CNTN3: variants seen among roughly 807,000 people sequenced by gnomAD.
The protein encoded by CNTN3 is contactin-3.
CNTN3 carries 60 observed loss-of-function variants against 119.1 expected under a neutral mutation model. That is an observed-to-expected ratio of 0.50 (90% CI 0.41 to 0.62). CNTN3 has a LOEUF of 0.62. Ranked by LOEUF, CNTN3 falls within the 20% of genes least tolerant of loss-of-function variation. CNTN3 has a pLI of 0.00. For synonymous variants in CNTN3, 450 were observed against 438.7 expected (o/e 1.03, Z -0.32); for missense variants, 1,101 against 1,242.4 (o/e 0.89, Z 1.71).
intron 4 of CNTN3, among the ~76,000 whole-genome samples, chr3:74,449,675 G>A (rs976895504): frequency 3.3e-5 from 5 of 152,082 alleles, no homozygotes; most frequent in African/African-American, 1.2e-4. Context: ...ACCTTCTGAT[G>A]CACCTCAGCT....
chr3:74,502,650 G>T (rs1013856326), intron 2 of CNTN3, among the ~76,000 whole-genome samples: 3 of 152,046 alleles, frequency 2.0e-5, no homozygotes. Context: ...TCTCAGACAC[G>T]CTGAGCTTCG....
intron 2 of CNTN3, among the ~76,000 whole-genome samples, chr3:74,513,641 T>C (rs1703405216): frequency 1.4e-5 from 2 of 146,146 alleles, no homozygotes; most frequent in Middle Eastern, 3.4e-3. Flanking sequence ...GTCCGAGCAG[T>C]CCAAAAAAAA....
At chr3:74,300,078 T>C (rs1203361842) in intron 16 of CNTN3, 140 bp from the exon 17 acceptor site, 4 of 418,912 alleles carry the variant, frequency 9.5e-6, no homozygotes, top group Non-Finnish European at 1.7e-5. Context: ...TTTATGTACA[T>C]ATACTTATAT....
chr3:74,549,573 G>A (rs1022473745), intron 1 of CNTN3, among the ~76,000 whole-genome samples: 5 of 151,936 alleles, frequency 3.3e-5, no homozygotes, highest in African/African-American at 9.7e-5. Flanking sequence ...AAATGGGTTC[G>A]GTGATCTGGG....
At chr3:74,414,519 C>A (rs918943915) in intron 5 of CNTN3, among the ~76,000 whole-genome samples, 1 of 152,164 alleles carries the variant, frequency 6.6e-6, no homozygotes, top group African/African-American at 2.4e-5. Context: ...TCAAGACTCT[C>A]CTGGGTCACT....
At chr3:74,310,144 TTATATTGCAAG>T (rs1469785908) in intron 13 of CNTN3, among the ~76,000 whole-genome samples, 1 of 152,172 alleles carries the variant, frequency 6.6e-6, no homozygotes, top group Admixed American at 6.6e-5. Context: ...TGTCTTACCT[TTATATTGCAAG>T]TATAGAGAGT....
intron 4 of CNTN3, among the ~76,000 whole-genome samples, chr3:74,436,359 C>T (rs1042091020): frequency 6.6e-6 from 1 of 152,118 alleles, no homozygotes; most frequent in African/African-American, 2.4e-5. Flanking sequence ...CTCCCTTTGT[C>T]GCCTTCCACA....
At position 74,575,606 on chromosome 3, in the gene CNTN3, AACACACACACAC is replaced by A. The variant is rs71129762; in HGVS notation, c.-81+38773_-81+38784del. 1.6e-4 allele frequency among the ~76,000 whole-genome samples: 21 copies of A among 135,098 alleles called. 1 individual carries two copies. The highest frequency in any genetic ancestry group is 2.3e-4 in the African/African-American group (8 of 35,312). 88.6% of individuals were successfully genotyped at this position (135,098 alleles called of 152,430 possible). On this transcript the variant is annotated intron_variant, in intron 1 of 22. Coordinates refer to ENST00000263665, the MANE Select transcript of CNTN3 (RefSeq NM_020872.3). ...ATTCATTTCCTCTTCAGTCTCTCCCAACACACACACACACACACACACACACACACACACACA... is the reference window on the plus strand; with the variant it reads ...ATTCATTTCCTCTTCAGTCTCTCCCAACACACACACACACACACACACACA...
intron 3 of CNTN3, among the ~76,000 whole-genome samples, chr3:74,487,436 T>C (rs1702879021): frequency 6.6e-6 from 1 of 152,186 alleles, no homozygotes; most frequent in South Asian, 2.1e-4. Flanking sequence ...CCAATTTTTA[T>C]AATAAAATTA....
At chr3:74,297,132 T>G (rs1388844222) in intron 18 of CNTN3, among the ~76,000 whole-genome samples, 1 of 152,156 alleles carries the variant, frequency 6.6e-6, no homozygotes, top group Non-Finnish European at 1.5e-5. Context: ...GAGATACCGC[T>G]GCTCCTGACT....
intron 5 of CNTN3, among the ~76,000 whole-genome samples, chr3:74,408,364 C>T (rs1701374274): frequency 1.3e-5 from 2 of 152,144 alleles, no homozygotes; most frequent in Non-Finnish European, 2.9e-5. Flanking sequence ...TAAGTCTTAT[C>T]CTGGATTATC....
intron 17 of CNTN3, among the ~76,000 whole-genome samples, chr3:74,299,624 T>C (rs1702412902): frequency 6.6e-6 from 1 of 152,170 alleles, no homozygotes; most frequent in African/African-American, 2.4e-5. Context: ...ATGCTGGGAA[T>C]AGTGGATGGC....
intron 4 of CNTN3, among the ~76,000 whole-genome samples, chr3:74,472,606 T>C (rs1424583019): frequency 6.6e-6 from 1 of 152,220 alleles, no homozygotes; most frequent in Non-Finnish European, 1.5e-5. Flanking sequence ...GATAAAATGT[T>C]AATCTCAACG....
intron 13 of CNTN3, among the ~76,000 whole-genome samples, chr3:74,320,659 C>T (rs1299384489): frequency 6.6e-6 from 1 of 152,022 alleles, no homozygotes; most frequent in African/African-American, 2.4e-5. Flanking sequence ...TGCAGCTTTT[C>T]AAAAAAGTAA....
At chr3:74,501,110 T>C (rs557259618) in intron 2 of CNTN3, among the ~76,000 whole-genome samples, 2 of 151,876 alleles carry the variant, frequency 1.3e-5, no homozygotes, top group East Asian at 3.9e-4. Context: ...CTGATTGAAA[T>C]GTCTGTTTAG....
intron 11 of CNTN3, among the ~76,000 whole-genome samples, chr3:74,337,109 C>T (rs1338959411): frequency 6.6e-6 from 1 of 152,078 alleles, no homozygotes; most frequent in East Asian, 1.9e-4. Flanking sequence ...ATGTCTTTTA[C>T]TATGAACTAA....
At chr3:74,459,360 T>A (rs1009330082) in intron 4 of CNTN3, among the ~76,000 whole-genome samples, 3 of 151,948 alleles carry the variant, frequency 2.0e-5, no homozygotes, top group Non-Finnish European at 2.9e-5. Context: ...AAGATCCTTA[T>A]CAAGGCCACC....
chr3:74,434,002 T>C (rs1376232510), intron 4 of CNTN3, among the ~76,000 whole-genome samples: 1 of 152,178 alleles, frequency 6.6e-6, no homozygotes, highest in African/African-American at 2.4e-5. Context: ...GAAATAAGCA[T>C]CCATCATCTC....
At chr3:74,601,057 A>G (rs1488747739) in intron 1 of CNTN3, among the ~76,000 whole-genome samples, 1 of 150,140 alleles carries the variant, frequency 6.7e-6, no homozygotes, top group Non-Finnish European at 1.5e-5. Context: ...ATTTACATAT[A>G]TAATATATGT....
Sources: allele counts gnomAD v4.1 joint callset (sites outside exome capture counted in the v4.1 genomes callset), GRCh38; gene constraint gnomAD v4.1.1; transcripts MANE v1.5; gene names NCBI Gene and HGNC (gene_info 2026-07-23, HGNC 2026-07-21).